Variants in MACF1 observed in about 807,000 individuals in gnomAD.
MACF1 encodes the protein microtubule-actin cross-linking factor 1.
MACF1 carries 193 observed loss-of-function variants against 854.8 expected under a neutral mutation model. That is an observed-to-expected ratio of 0.23 (90% CI 0.20 to 0.25). The LOEUF is 0.25. Among genes scored for constraint, MACF1 ranks in the 10% least tolerant of loss-of-function variants. MACF1 has a pLI of 1.00. For missense variants in MACF1, 7,722 were observed against 8,929.1 expected (o/e 0.86, Z 5.45); for synonymous variants, 3,185 against 3,226.7 (o/e 0.99, Z 0.44).
chr1:39,386,409 C>A (rs1032844073), intron 57 of MACF1, among the ~76,000 whole-genome samples: 1 of 149,210 alleles, frequency 6.7e-6, no homozygotes, highest in East Asian at 2.0e-4. Flanking sequence ...TATAGACACA[C>A]GCCACCATGC....
intron 58 of MACF1, among the ~76,000 whole-genome samples, chr1:39,393,394 A>G (rs1262152570): frequency 1.3e-5 from 2 of 151,820 alleles, no homozygotes; most frequent in Non-Finnish European, 1.5e-5. Context: ...TTTGGGCATC[A>G]TACTGGTGAG....
chr1:39,327,192 A>G, intron 35 of MACF1, 26 bp from the exon 36 acceptor site: 1 of 1,528,148 alleles, frequency 6.5e-7, no homozygotes, highest in East Asian at 2.3e-5. Context: ...TTTCTCCTAA[A>G]AAAGCTTTAA....
chr1:39,460,570 C>A lies in MACF1; in HGVS notation c.21361-62C>A. The A allele has an allele frequency of 6.8e-7, 1 of 1,470,694 alleles. No individual in the cohort carries two copies. The highest frequency in any genetic ancestry group is 9.5e-7 in the Non-Finnish European group (1 of 1,053,552). The allele number at this position is 1,470,694 out of a possible 1,614,324, so 91.1% of individuals were successfully genotyped here. A position where few individuals can be genotyped will look rare whatever the true frequency, so the allele number is the denominator to read the frequency against. The stretch of plus-strand genomic sequence containing the variant: ...CTGAATGTCTGAAAGTTTGGGTATG[C>A]TCTGGGCAGCTTTTGAGGGCCCAAA... On this transcript the variant is annotated intron_variant, in intron 91 of 100. Transcript: ENST00000564288. The surrounding 1 kb of genome is among the most constrained non-coding windows in gnomAD (Gnocchi z 4.1).
intron 2 of MACF1, among the ~76,000 whole-genome samples, chr1:39,173,092 A>G (rs1265014535): frequency 6.6e-6 from 1 of 152,184 alleles, no homozygotes; most frequent in East Asian, 1.9e-4. Flanking sequence ...CTATAATCCC[A>G]GCACTTTGGG....
chr1:39,228,868 G>C (rs1440541481), intron 1 of MACF1, among the ~76,000 whole-genome samples: 1 of 152,096 alleles, frequency 6.6e-6, no homozygotes, highest in Non-Finnish European at 1.5e-5. Context: ...TGGTCAGGCT[G>C]GTCTTGAACT....
rs1649894323 is a variant in MACF1, at chr1:39,378,375, G to A, written c.13214-86G>A. ...TAACTTCCTGATACCTAAGCTTAAA[G>A]TGAGGGCCAAAGGACAAATTCAGTG... On this transcript the variant is annotated intron_variant, in intron 52 of 100. Transcript: ENST00000564288. 5 of 909,088 alleles carry A rather than the reference G, an allele frequency of 5.5e-6. No individual in the cohort carries two copies. The Admixed American group carries it at 7.0e-5, about 13-fold the overall frequency. The allele number at this position is 909,088 out of a possible 1,614,324, so 56.3% of individuals were successfully genotyped here.
chr1:39,354,869 T>G (rs1485497097), intron 44 of MACF1, among the ~76,000 whole-genome samples: 2 of 152,206 alleles, frequency 1.3e-5, no homozygotes, highest in Non-Finnish European at 2.9e-5. Flanking sequence ...TTCTACTCAT[T>G]TATTTATTCA....
At chr1:39,177,393 A>G (rs1389190033) in intron 2 of MACF1, among the ~76,000 whole-genome samples, 2 of 152,202 alleles carry the variant, frequency 1.3e-5, no homozygotes, top group Non-Finnish European at 2.9e-5. Context: ...AAGTGCTGGC[A>G]TTACAGGCGT....
At chr1:39,246,907 CTT>C (rs59664447) in intron 2 of MACF1, among the ~76,000 whole-genome samples, 8 of 136,234 alleles carry the variant, frequency 5.9e-5, no homozygotes, top group Admixed American at 7.5e-5. Flanking sequence ...CTAAACATAG[CTT>C]TTTTTTTTTT....
At chr1:39,124,406 G>C (rs1379087866) in intron 2 of MACF1, among the ~76,000 whole-genome samples, 1 of 152,166 alleles carries the variant, frequency 6.6e-6, no homozygotes, top group South Asian at 2.1e-4. Context: ...ATAGGGTTGT[G>C]GGGGAGAGTA....
chr1:39,145,508 A>G (rs1024397320), intron 2 of MACF1, among the ~76,000 whole-genome samples: 1 of 146,988 alleles, frequency 6.8e-6, no homozygotes, highest in Non-Finnish European at 1.5e-5. Context: ...TCTTCAGACT[A>G]ACTCTCTGTG....
intron 2 of MACF1, chr1:39,102,734 C>A: frequency 1.4e-6 from 1 of 702,208 alleles, no homozygotes. Flanking sequence ...TCTGCTTCCC[C>A]CATTGCAGCC....
At chr1:39,395,645 A>G (rs1642243819) in intron 58 of MACF1, among the ~76,000 whole-genome samples, 1 of 152,140 alleles carries the variant, frequency 6.6e-6, no homozygotes, top group South Asian at 2.1e-4. Flanking sequence ...ACAGTCTCTC[A>G]GTTGTTCTCC....
intron 47 of MACF1, among the ~76,000 whole-genome samples, chr1:39,360,012 A>AAAAATATAT (rs1557608845): frequency 6.9e-5 from 2 of 28,824 alleles, no homozygotes; most frequent in Non-Finnish European, 1.3e-4. Context: ...AAAAAAAAAA[A>AAAAATATAT]ATATATATAT....
At position 39,452,217 on chromosome 1, in the gene MACF1, G is replaced by A. The variant is rs550370429; in HGVS notation, c.20480G>A (p.Arg6827Gln). Residue 6827 changes from arginine to glutamine, a missense_variant, in exon 86 of 101, where the codon CGA becomes CAA. Arg to Gln is a conservative substitution (Grantham distance 43). This residue lies in a region of MACF1 where 729 missense variants were observed against 900.5 expected (regional missense o/e 0.81). Coordinates refer to ENST00000564288, the MANE Select transcript of MACF1 (RefSeq NM_001394062.1). Reference protein sequence around the residue: ...GTVQVLKRSGRELIENSRDDT... With the variant: ...GTVQVLKRSGQELIENSRDDT... ...GTTCAGGTCCTGAAGCGGTCAGGCC[G>A]AGAGCTGATTGAGAATAGTCGAGAT... 82 of 1,614,046 alleles carry A rather than the reference G, an allele frequency of 5.1e-5. No homozygotes were observed. Among genetic ancestry groups the A allele is most frequent in the Non-Finnish European group, 6.6e-5 (78 of 1,180,024 alleles).
At chr1:39,305,146 A>G (rs376774484) in intron 23 of MACF1, among the ~76,000 whole-genome samples, 1 of 151,444 alleles carries the variant, frequency 6.6e-6, no homozygotes, top group African/African-American at 2.4e-5. Flanking sequence ...CTGTGGTCCC[A>G]GCTACTTAGG....
chr1:39,084,498 C>T lies in MACF1; in HGVS notation c.220+60C>T, dbSNP rs1017986537. ...GGTGTGAGGGAGGAATGGGCCAGGG[C>T]ACAGCAGCTGTGTGGGGAGCCGAGG... On this transcript the variant is annotated intron_variant, in intron 2 of 93. Coordinates refer to the MACF1 transcript ENST00000361689. This position sits in a 1 kb window ranked among gnomAD's most constrained non-coding sequence, Gnocchi z 5.2. 40 of 1,471,624 alleles carry T rather than the reference C, an allele frequency of 2.7e-5. No individual in the cohort carries two copies. Among genetic ancestry groups the T allele is most frequent in the Admixed American group, 3.8e-5 (2 of 53,180 alleles). 91.2% of individuals were successfully genotyped at this position (1,471,624 alleles called of 1,614,324 possible).
chr1:39,182,882 A>G (rs1385257077), intron 2 of MACF1, among the ~76,000 whole-genome samples: 2 of 152,242 alleles, frequency 1.3e-5, no homozygotes, highest in African/African-American at 2.4e-5. Flanking sequence ...GAAAACATAT[A>G]TTCATAGAAA....
At chr1:39,331,060 A>T in intron 36 of MACF1, 143 bp from the exon 37 acceptor site, 1 of 1,226,060 alleles carries the variant, frequency 8.2e-7, no homozygotes, top group Admixed American at 3.3e-5. Context: ...TGGGCAGATT[A>T]TAGGCGTGAG....
Sources: allele counts gnomAD v4.1 joint callset (sites outside exome capture counted in the v4.1 genomes callset), GRCh38; gene constraint gnomAD v4.1.1; regional missense constraint gnomAD v4.1.1; non-coding constraint Gnocchi (gnomAD v3.1); transcripts MANE v1.5; gene names NCBI Gene and HGNC (gene_info 2026-07-23, HGNC 2026-07-21).